The following PHF20 variants were observed in gnomAD, a reference collection of about 807,000 sequenced individuals.
PHF20 encodes PHD finger protein 20.
Under a neutral mutation model 113.5 loss-of-function variants are expected in PHF20, and 23 were observed. The ratio of observed to expected loss-of-function variants is 0.20; its 90% CI spans 0.15 to 0.29. PHF20 has a LOEUF of 0.29. Ranked by LOEUF, PHF20 falls within the 10% of genes least tolerant of loss-of-function variation. PHF20 has a pLI of 1.00. For synonymous variants in PHF20, 434 were observed against 457.3 expected, an observed-to-expected ratio of 0.95 and a Z score of 0.65; for missense variants, 943 against 1,219.6, an observed-to-expected ratio of 0.77 and a Z score of 3.38.
intron 1 of PHF20, among the ~76,000 whole-genome samples, chr20:35,797,910 A>G (rs2041700061): frequency 6.6e-6 from 1 of 151,970 alleles, no homozygotes; most frequent in Non-Finnish European, 1.5e-5. Flanking sequence ...TCGACCTCCC[A>G]AAGTGCTGGG....
chr20:35,871,046 G>C lies in PHF20; in HGVS notation c.1014G>C (p.Glu338Asp). 6.2e-7 allele frequency: 1 copy of C among 1,613,304 alleles called. No individual in the cohort carries two copies. ...GGCTGTCCACTAATGGGACCCATGAGATCCTAGATCCTGACTTGGTTGTAT... is the reference window on the plus strand; with the variant it reads ...GGCTGTCCACTAATGGGACCCATGACATCCTAGATCCTGACTTGGTTGTAT... ...SSRLSTNGTH[E>D]ILDPDLVVSD... is the part of the protein sequence containing the mutation. The change falls in exon 8 of 18, where the codon GAG becomes GAC. Residue 338 changes from glutamate (E) to aspartate (D), a missense_variant. Glu to Asp is a conservative substitution (Grantham distance 45). Around this residue, in one of 3 missense-constraint regions of PHF20, gnomAD observed 592 missense variants for 787.2 expected, o/e 0.75. Coordinates refer to ENST00000374012, the MANE Select transcript of PHF20 (RefSeq NM_016436.5).
intron 17 of PHF20, among the ~76,000 whole-genome samples, chr20:35,947,039 C>T (rs2056098348): frequency 6.6e-6 from 1 of 152,186 alleles, no homozygotes. Context: ...AGTGGTAACA[C>T]TCAGAAAGGT....
intron 3 of PHF20, among the ~76,000 whole-genome samples, chr20:35,844,859 TAA>T (rs1201079055): frequency 6.6e-6 from 1 of 152,178 alleles, no homozygotes; most frequent in African/African-American, 2.4e-5. Context: ...GTAATAAGCT[TAA>T]ATTTAATAAG....
intron 2 of PHF20, among the ~76,000 whole-genome samples, chr20:35,816,553 G>A (rs2042077647): frequency 6.6e-6 from 1 of 151,400 alleles, no homozygotes. Flanking sequence ...GGGTTCAAGC[G>A]ATTCTCCAGC....
rs529465977 is a variant in PHF20, at chr20:35,811,156, C to T, written c.83+9551C>T. The stretch of plus-strand genomic sequence containing the variant: ...CCGCCTCCAGGGTTCAAGCGATTCT[C>T]CTGCCTCAGCCTCCCGAGTAGCTGG... On this transcript the variant is annotated intron_variant, in intron 2 of 17. Transcript: ENST00000374012. 4.6e-5 allele frequency among the ~76,000 whole-genome samples: 7 copies of T among 151,334 alleles called. No homozygotes were observed. The East Asian group carries it at 1.2e-3, about 26-fold the overall frequency.
intron 1 of PHF20, among the ~76,000 whole-genome samples, chr20:35,777,223 A>G (rs2041192801): frequency 1.3e-5 from 2 of 152,150 alleles, no homozygotes; most frequent in Admixed American, 1.3e-4. Flanking sequence ...TTTACTTGTC[A>G]GTTCTCTTAT....
In PHF20 at chr20:35,805,353, T is replaced by TA. The variant is rs1420639555; in HGVS notation, c.83+3748_83+3749insA. On this transcript the variant is annotated intron_variant, in intron 2 of 17. Coordinates refer to ENST00000374012, the MANE Select transcript of PHF20 (RefSeq NM_016436.5). Reference sequence around the variant, plus strand: ...CAGGCACATGCCACCACGCCTGATTTTTTATTATTATTATTATTATTATTA... The same window carrying TA: ...CAGGCACATGCCACCACGCCTGATTTATTTATTATTATTATTATTATTATTA... Among the ~76,000 whole-genome samples the TA allele has an allele frequency of 3.5e-3, 424 of 121,292 alleles. 3 individuals are homozygous for TA. The highest frequency in any genetic ancestry group is 4.1e-3 in the African/African-American group (118 of 28,542). 79.6% of individuals were successfully genotyped at this position (121,292 alleles called of 152,430 possible). A position where few individuals can be genotyped will look rare whatever the true frequency, so the allele number is the denominator to read the frequency against.
chr20:35,913,973 T>G, intron 11 of PHF20, 60 bp from the exon 12 acceptor site: 1 of 1,521,470 alleles, frequency 6.6e-7, no homozygotes, highest in Non-Finnish European at 9.1e-7. Flanking sequence ...ATGAGATTGA[T>G]TCTAGAATGC....
intron 10 of PHF20, among the ~76,000 whole-genome samples, chr20:35,910,344 T>C (rs887171484): frequency 2.0e-5 from 3 of 152,128 alleles, no homozygotes; most frequent in African/African-American, 7.2e-5. Context: ...ATCAAAGTGG[T>C]CGTACAACAT....
chr20:35,800,509 G>A (rs748692414), intron 1 of PHF20, among the ~76,000 whole-genome samples: 4 of 152,178 alleles, frequency 2.6e-5, no homozygotes, highest in African/African-American at 4.8e-5. Context: ...AGTGGTTCAC[G>A]CCTGTAATAC....
intron 2 of PHF20, among the ~76,000 whole-genome samples, chr20:35,824,183 G>A (rs1353979125): frequency 6.6e-6 from 1 of 152,154 alleles, no homozygotes; most frequent in Non-Finnish European, 1.5e-5. Context: ...TTTCCACCAG[G>A]AATGTCAGGA....
At chr20:35,844,689 AATG>A (rs2042592399) in intron 3 of PHF20, among the ~76,000 whole-genome samples, 1 of 152,030 alleles carries the variant, frequency 6.6e-6, no homozygotes, top group Admixed American at 6.6e-5. Flanking sequence ...ATCATAAAAT[AATG>A]ATATTTTAAG....
chr20:35,813,933 GAAAAA>G (rs57769210), intron 2 of PHF20, among the ~76,000 whole-genome samples: 2 of 25,002 alleles, frequency 8.0e-5, no homozygotes, highest in South Asian at 2.7e-3. Flanking sequence ...CTCCGTCTCA[GAAAAA>G]AAAAAAAAAA....
chr20:35,841,085 T>C (rs2042527401), intron 2 of PHF20, among the ~76,000 whole-genome samples: 1 of 152,024 alleles, frequency 6.6e-6, no homozygotes, highest in South Asian at 2.1e-4. Context: ...ATTCCAGCAT[T>C]TGGGGAGGCT....
chr20:35,883,983 G>T (rs2054680366), intron 9 of PHF20, among the ~76,000 whole-genome samples: 1 of 152,190 alleles, frequency 6.6e-6, no homozygotes, highest in South Asian at 2.1e-4. Context: ...AGTACTCCAG[G>T]ACTGGGTGGT....
chr20:35,922,554 T>C (rs1180563221), intron 13 of PHF20, among the ~76,000 whole-genome samples: 1 of 152,242 alleles, frequency 6.6e-6, no homozygotes, highest in East Asian at 1.9e-4. Flanking sequence ...TATATCACTA[T>C]TTTATCTTAT....
In PHF20 at chr20:35,938,758, G is replaced by A; in HGVS notation, c.2362G>A (p.Gly788Arg). 1 of 1,614,082 alleles carries A rather than the reference G, an allele frequency of 6.2e-7. No homozygotes were observed. The highest frequency in any genetic ancestry group is 1.3e-5 in the African/African-American group (1 of 75,028). Residue 788 changes from glycine to arginine, a missense_variant, in exon 16 of 18, where the codon GGG (glycine) becomes AGG (arginine). This residue lies in a region of PHF20 where 349 missense variants were observed against 412.3 expected (regional missense o/e 0.85). Transcript: ENST00000374012. ...CQPWKQHSGE[G>R]RSHFRNIPVT... ...GCCTTGGAAACAGCACTCAGGGGAG[G>A]GGAGATCTCATTTCAGAAACATCCC...
At chr20:35,816,122 G>A (rs1033703848) in intron 2 of PHF20, among the ~76,000 whole-genome samples, 9 of 151,494 alleles carry the variant, frequency 5.9e-5, no homozygotes, top group Non-Finnish European at 1.0e-4. Context: ...ATGCCCAGCC[G>A]ATTTTTGTAT....
At chr20:35,880,247 G>T (rs1674302222) in intron 9 of PHF20, among the ~76,000 whole-genome samples, 1 of 152,170 alleles carries the variant, frequency 6.6e-6, no homozygotes, top group Non-Finnish European at 1.5e-5. Flanking sequence ...CCTGAAGGAT[G>T]GGCAGCAGTT....
Sources: allele counts gnomAD v4.1 joint callset (sites outside exome capture counted in the v4.1 genomes callset), GRCh38; gene constraint gnomAD v4.1.1; regional missense constraint gnomAD v4.1.1; transcripts MANE v1.5; gene names NCBI Gene and HGNC (gene_info 2026-07-23, HGNC 2026-07-21).